The following DCC variants were observed in gnomAD, a reference collection of about 807,000 sequenced individuals.
DCC encodes the protein DCC netrin 1 receptor.
DCC carries 58 observed loss-of-function variants against 172.5 expected under a neutral mutation model. That is an observed-to-expected ratio of 0.34 (90% CI 0.27 to 0.42). DCC has a LOEUF of 0.42. Among genes scored for constraint, DCC ranks in the 10% least tolerant of loss-of-function variants. DCC has a pLI of 1.00. For synonymous variants in DCC, 709 were observed against 644.5 expected (o/e 1.10, Z -1.52); for missense variants, 1,740 against 1,791.0 (o/e 0.97, Z 0.51).
chr18:53,218,113 T>C (rs2055881173), intron 12 of DCC, among the ~76,000 whole-genome samples: 1 of 152,158 alleles, frequency 6.6e-6, no homozygotes, highest in African/African-American at 2.4e-5. Flanking sequence ...TCTCACAAAG[T>C]GCTGAGATTA....
At chr18:53,055,063 G>A (rs536392244) in intron 5 of DCC, among the ~76,000 whole-genome samples, 1 of 152,174 alleles carries the variant, frequency 6.6e-6, no homozygotes, top group South Asian at 2.1e-4. Context: ...ATGACTGATT[G>A]CCAAGGGATT....
intron 12 of DCC, among the ~76,000 whole-genome samples, chr18:53,245,255 T>C (rs1437212854): frequency 6.6e-6 from 1 of 152,132 alleles, no homozygotes; most frequent in Admixed American, 6.6e-5. Flanking sequence ...GCTTTATATA[T>C]TGTGACTCAG....
intron 23 of DCC, among the ~76,000 whole-genome samples, chr18:53,457,336 A>G (rs894686215): frequency 6.6e-6 from 1 of 152,234 alleles, no homozygotes; most frequent in African/African-American, 2.4e-5. Context: ...GTGAAAAGGC[A>G]TGCTTGTAAG....
intron 13 of DCC, among the ~76,000 whole-genome samples, chr18:53,313,224 G>T (rs2057303579): frequency 1.3e-5 from 2 of 152,018 alleles, no homozygotes; most frequent in Admixed American, 6.6e-5. Flanking sequence ...CTCTAATAGG[G>T]TATATTTATT....
intron 5 of DCC, among the ~76,000 whole-genome samples, chr18:53,044,720 A>C (rs2042213342): frequency 6.6e-6 from 1 of 151,924 alleles, no homozygotes; most frequent in Non-Finnish European, 1.5e-5. Flanking sequence ...TCCTTAAGTA[A>C]CTCATAACTT....
chr18:52,743,457 C>A (rs1308868800), intron 1 of DCC, among the ~76,000 whole-genome samples: 2 of 152,086 alleles, frequency 1.3e-5, no homozygotes, highest in East Asian at 1.9e-4. Flanking sequence ...ACTTGTTGGG[C>A]TGGAAAAAAA....
In DCC at chr18:53,459,351, C is replaced by T. The variant is rs1218133200; in HGVS notation, c.3512C>T (p.Thr1171Ile). Residue 1171 changes from threonine to isoleucine, a missense_variant, in exon 24 of 29, where the codon ACT (threonine) becomes ATT (isoleucine). Transcript: ENST00000442544. ...EMKNIEKPSG[T>I]DPAGRDSPIQ... ...AAAAATATTGAAAAGCCATCTGGCACTGACCCTGCAGGAAGGGACTCTCCC... is the reference window on the plus strand; with the variant it reads ...AAAAATATTGAAAAGCCATCTGGCATTGACCCTGCAGGAAGGGACTCTCCC... The T allele has an allele frequency of 1.2e-6, 2 of 1,613,912 alleles. No homozygotes were observed. Among genetic ancestry groups the T allele is most frequent in the South Asian group, 1.1e-5 (1 of 91,082 alleles).
At chr18:53,504,731 A>T (rs2144491903) in intron 27 of DCC, among the ~76,000 whole-genome samples, 1 of 152,282 alleles carries the variant, frequency 6.6e-6, no homozygotes, top group East Asian at 1.9e-4. Flanking sequence ...TATTAATAGG[A>T]AAAGAGCTCT....
intron 1 of DCC, among the ~76,000 whole-genome samples, chr18:52,671,728 G>C (rs61518781): frequency 0.4 from 59,878 of 151,172 alleles, 11,934 homozygotes; most frequent in South Asian, 0.45. Flanking sequence ...TTAGTAGAGA[G>C]AGGGTCTCTG....
chr18:53,446,098 C>CAAAAAAAAAAA (rs1246126122), intron 22 of DCC, among the ~76,000 whole-genome samples: 1 of 32,264 alleles, frequency 3.1e-5, no homozygotes, highest in Non-Finnish European at 1.1e-4. Context: ...CCTGTCTCTA[C>CAAAAAAAAAAA]AAAAAAAAAA....
intron 12 of DCC, among the ~76,000 whole-genome samples, chr18:53,255,646 G>A (rs1418822458): frequency 7.2e-5 from 11 of 151,946 alleles, no homozygotes. Context: ...CCAAGTCTTT[G>A]CTATTGGGAA....
chr18:53,508,800 T>C lies in DCC; in HGVS notation c.4111+9290T>C, dbSNP rs145458596. 4.2e-3 allele frequency among the ~76,000 whole-genome samples: 634 copies of C among 152,304 alleles called. 2 individuals are homozygous for C. Among genetic ancestry groups the C allele is most frequent in the African/African-American group, 0.014 (597 of 41,566 alleles). ...GCAACTGCTCAGAGCTGTCTGAATG[T>C]CGTTCCCTTAGTCTAGAGAAAAGAG... is the stretch of plus-strand genomic sequence containing the variant. On this transcript the variant is annotated intron_variant, in intron 27 of 28. Transcript: ENST00000442544.
chr18:52,453,478 T>C (rs906054213), intron 1 of DCC, among the ~76,000 whole-genome samples: 36 of 152,306 alleles, frequency 2.4e-4, no homozygotes, highest in Admixed American at 1.6e-3. Flanking sequence ...CTGATCTTCA[T>C]TAGTGGCTAC....
intron 1 of DCC, among the ~76,000 whole-genome samples, chr18:52,564,593 C>T (rs749526622): frequency 6.8e-6 from 1 of 147,992 alleles, no homozygotes; most frequent in Non-Finnish European, 1.5e-5. Context: ...AAGGAAACAA[C>T]TCTTCCAAAT....
chr18:52,608,292 C>T (rs1427039586), intron 1 of DCC, among the ~76,000 whole-genome samples: 1 of 152,082 alleles, frequency 6.6e-6, no homozygotes, highest in Non-Finnish European at 1.5e-5. Context: ...ACACAACAGA[C>T]CTTGTTTTGA....
chr18:52,552,923 A>T (rs1372827550), intron 1 of DCC, among the ~76,000 whole-genome samples: 1 of 152,094 alleles, frequency 6.6e-6, no homozygotes, highest in East Asian at 1.9e-4. Flanking sequence ...TTTTAAACAT[A>T]ATGTCTATTT....
chr18:52,787,437 AAGTTT>A (rs141446115), intron 2 of DCC, among the ~76,000 whole-genome samples: 5,166 of 152,214 alleles, frequency 0.034, 122 homozygotes, highest in Admixed American at 0.048. Flanking sequence ...CATGACTAAG[AAGTTT>A]AGTTATCTCC....
intron 2 of DCC, among the ~76,000 whole-genome samples, chr18:52,890,782 A>T (rs919297442): frequency 1.3e-5 from 2 of 152,112 alleles, no homozygotes; most frequent in African/African-American, 4.8e-5. Context: ...TTTAAATATC[A>T]TCTCAAATCC....
At chr18:52,693,321 T>C (rs1057376965) in intron 1 of DCC, among the ~76,000 whole-genome samples, 6 of 148,560 alleles carry the variant, frequency 4.0e-5, no homozygotes, top group Admixed American at 1.4e-4. Context: ...TTACAATATC[T>C]AAATATTATA....
Sources: gnomAD v4.1 joint callset for allele counts (sites outside exome capture counted in the v4.1 genomes callset) on GRCh38, gnomAD v4.1.1 for gene constraint, MANE v1.5 for transcripts, NCBI Gene and HGNC (gene_info 2026-07-23, HGNC 2026-07-21) for gene names.